The following CDH12 variants were observed in gnomAD, a reference collection of about 807,000 sequenced individuals.
The protein encoded by CDH12 is cadherin-12.
A neutral mutation model predicts 74.1 loss-of-function variants in CDH12; 41 were observed. The ratio of observed to expected loss-of-function variants is 0.55; its 90% confidence interval spans 0.43 to 0.72. The LOEUF (loss-of-function observed/expected upper bound fraction) is 0.72. Among genes scored for constraint, CDH12 ranks in the 30% least tolerant of loss-of-function variants. CDH12 has a pLI of 0.00. For missense variants in CDH12, 945 were observed against 977.2 expected (o/e 0.97, Z 0.44); for synonymous variants, 399 against 355.0 (o/e 1.12, Z -1.39).
At chr5:22,197,358 G>A (rs1750679303) in intron 4 of CDH12, among the ~76,000 whole-genome samples, 1 of 152,174 alleles carries the variant, frequency 6.6e-6, no homozygotes. Context: ...TGAGGCAGGA[G>A]AATGGTGTGA....
intron 2 of CDH12, among the ~76,000 whole-genome samples, chr5:22,467,164 G>T (rs1745769759): frequency 6.6e-6 from 1 of 152,094 alleles, no homozygotes; most frequent in African/African-American, 2.4e-5. Context: ...GATCCAGGCT[G>T]CCCCTAAGCC....
chr5:22,033,225 A>G (rs954534592), intron 5 of CDH12, among the ~76,000 whole-genome samples: 1 of 152,114 alleles, frequency 6.6e-6, no homozygotes, highest in African/African-American at 2.4e-5. Context: ...GCTCCAGGAA[A>G]TTTTCTCATT....
intron 1 of CDH12, among the ~76,000 whole-genome samples, chr5:22,653,629 AG>A (rs966148141): frequency 2.0e-5 from 3 of 152,260 alleles, no homozygotes; most frequent in African/African-American, 7.2e-5. Context: ...GTACAGCAAT[AG>A]TCTCCTAACA....
At chr5:21,995,022 GCTGTAA>G (rs1736196512) in intron 5 of CDH12, among the ~76,000 whole-genome samples, 1 of 152,098 alleles carries the variant, frequency 6.6e-6, no homozygotes. Context: ...ACCTTTATGA[GCTGTAA>G]CACTCACGGT....
intron 9 of CDH12, among the ~76,000 whole-genome samples, chr5:21,808,310 C>T (rs1449250707): frequency 6.6e-6 from 1 of 151,968 alleles, no homozygotes; most frequent in Non-Finnish European, 1.5e-5. Context: ...CTCACTGTAG[C>T]CGTGGTTTTG....
intron 1 of CDH12, among the ~76,000 whole-genome samples, chr5:22,771,857 C>A (rs1203821062): frequency 6.6e-6 from 1 of 152,070 alleles, no homozygotes; most frequent in Non-Finnish European, 1.5e-5. Context: ...GACTTTTGAC[C>A]TGCCAACCTT....
chr5:22,465,263 C>G (rs1745680511), intron 2 of CDH12, among the ~76,000 whole-genome samples: 1 of 152,056 alleles, frequency 6.6e-6, no homozygotes, highest in Admixed American at 6.6e-5. Flanking sequence ...ATGCTGTCTC[C>G]CAAATTTATA....
At chr5:22,448,842 G>A (rs1212535635) in intron 2 of CDH12, among the ~76,000 whole-genome samples, 1 of 151,684 alleles carries the variant, frequency 6.6e-6, no homozygotes, top group Non-Finnish European at 1.5e-5. Context: ...TTTTGCTACT[G>A]GGCAACAATA....
intron 3 of CDH12, among the ~76,000 whole-genome samples, chr5:22,328,466 T>C (rs1042115010): frequency 6.6e-6 from 1 of 152,196 alleles, no homozygotes; most frequent in Non-Finnish European, 1.5e-5. Flanking sequence ...TTATTAATTA[T>C]TGGGGAAACT....
At chr5:21,776,475 T>C (rs550694396) in intron 11 of CDH12, among the ~76,000 whole-genome samples, 1 of 152,172 alleles carries the variant, frequency 6.6e-6, no homozygotes, top group South Asian at 2.1e-4. Context: ...TGAAGACCTG[T>C]TCGTGAATAG....
chr5:21,810,230 G>C (rs983152984), intron 9 of CDH12, among the ~76,000 whole-genome samples: 8 of 152,058 alleles, frequency 5.3e-5, no homozygotes, highest in African/African-American at 1.7e-4. Flanking sequence ...CTATCTAAAC[G>C]TCTAAATAGA....
chr5:22,185,854 T>C (rs1007792441), intron 4 of CDH12, among the ~76,000 whole-genome samples: 2 of 152,234 alleles, frequency 1.3e-5, no homozygotes, highest in African/African-American at 4.8e-5. Context: ...TCTTTGTGTA[T>C]GCTAAGGCGT....
chr5:22,032,306 T>C (rs527617697), intron 5 of CDH12, among the ~76,000 whole-genome samples: 1 of 152,242 alleles, frequency 6.6e-6, no homozygotes, highest in South Asian at 2.1e-4. Context: ...CTACAGCAAA[T>C]ACCTCTTGAC....
chr5:22,446,484 C>T (rs866450914), intron 2 of CDH12, among the ~76,000 whole-genome samples: 5 of 152,056 alleles, frequency 3.3e-5, no homozygotes, highest in South Asian at 2.1e-4. Context: ...CCTGAAAAAT[C>T]TCTTTTGTAT....
chr5:22,622,848 C>A (rs546708712), intron 1 of CDH12, among the ~76,000 whole-genome samples: 105 of 152,140 alleles, frequency 6.9e-4, no homozygotes, highest in Non-Finnish European at 1.4e-3. Flanking sequence ...GATACCAAAG[C>A]CTGGCAGAGG....
chr5:22,841,739 G>A (rs1490361975), intron 1 of CDH12, among the ~76,000 whole-genome samples: 2 of 152,160 alleles, frequency 1.3e-5, no homozygotes, highest in Non-Finnish European at 2.9e-5. Context: ...TTTAAGAACT[G>A]TGTTGAGGAG....
At chr5:21,951,461 C>T (rs112968413) in intron 6 of CDH12, among the ~76,000 whole-genome samples, 3 of 152,058 alleles carry the variant, frequency 2.0e-5, no homozygotes, top group African/African-American at 7.2e-5. Flanking sequence ...TTGGCCAGGC[C>T]GGTCACAAAC....
At chr5:21,948,956 C>T (rs932925850) in intron 6 of CDH12, among the ~76,000 whole-genome samples, 177 of 151,652 alleles carry the variant, frequency 1.2e-3, no homozygotes, top group African/African-American at 4.1e-3. Context: ...AAGAAGATGA[C>T]TGCTTCCCAT....
At chr5:22,278,273 T>G (rs985470122) in intron 3 of CDH12, among the ~76,000 whole-genome samples, 15 of 152,318 alleles carry the variant, frequency 9.8e-5, no homozygotes, top group Admixed American at 8.5e-4. Context: ...TGGTGTGACA[T>G]TTAAGATCTG....
Sources: allele counts gnomAD v4.1 joint callset (sites outside exome capture counted in the v4.1 genomes callset), GRCh38; gene constraint gnomAD v4.1.1; transcripts MANE v1.5; gene names NCBI Gene and HGNC (gene_info 2026-07-23, HGNC 2026-07-21).